The following PCSK6 variants were observed in gnomAD, a reference collection of about 807,000 sequenced individuals.
The protein encoded by PCSK6 is paired basic amino acid cleaving enzyme 4.
A neutral mutation model predicts 123.3 loss-of-function variants in PCSK6; 85 were observed. The ratio of observed to expected loss-of-function variants is 0.69; its 90% CI spans 0.58 to 0.83. The LOEUF (loss-of-function observed/expected upper bound fraction) is 0.83, where lower values mean the gene tolerates loss of function less well. Ranked by LOEUF, PCSK6 falls within the 40% of genes least tolerant of loss-of-function variation. PCSK6 has a pLI of 0.00. For missense variants in PCSK6, 1,191 were observed against 1,282.3 expected, an observed-to-expected ratio of 0.93 and a Z score of 1.09; for synonymous variants, 508 against 516.0, an observed-to-expected ratio of 0.98 and a Z score of 0.21.
chr15:101,451,429 C>T (rs2057031846), intron 1 of PCSK6, among the ~76,000 whole-genome samples: 1 of 152,096 alleles, frequency 6.6e-6, no homozygotes, highest in Non-Finnish European at 1.5e-5. Flanking sequence ...TCTGCAAAAT[C>T]CCCACCCCAC....
In PCSK6 at chr15:101,398,363, C is replaced by A; in HGVS notation, c.996+41G>T. ...ACTTGTTAAAATGTTTACTGTCACC[C>A]TTGTCCCAGAGCGCTCCCCTGTAGC... is the stretch of plus-strand genomic sequence containing the variant. On this transcript the variant is annotated intron_variant, in intron 7 of 21. Coordinates refer to ENST00000611716, the MANE Select transcript of PCSK6 (RefSeq NM_002570.5). The surrounding 1 kb of genome is among the most constrained non-coding windows in gnomAD (Gnocchi z 4.6). The A allele has an allele frequency of 6.4e-7, 1 of 1,566,512 alleles. No individual in the cohort carries two copies. The highest frequency in any genetic ancestry group is 1.2e-5 in the South Asian group (1 of 84,388).
chr15:101,417,048 G>C (rs180814735), intron 6 of PCSK6, among the ~76,000 whole-genome samples: 1 of 152,206 alleles, frequency 6.6e-6, no homozygotes, highest in South Asian at 2.1e-4. Flanking sequence ...CCCCAGAATA[G>C]TAGATCCACT....
At chr15:101,364,793 T>C (rs1215164946) in intron 13 of PCSK6, 6 of 448,714 alleles carry the variant, frequency 1.3e-5, no homozygotes, top group Non-Finnish European at 2.4e-5. Context: ...AAAAAAGAAA[T>C]GTACAAGCTT....
chr15:101,480,905 T>C (rs1010606110), intron 1 of PCSK6, among the ~76,000 whole-genome samples: 1 of 146,592 alleles, frequency 6.8e-6, no homozygotes, highest in African/African-American at 2.4e-5. Context: ...GTTCAATAAA[T>C]GACACTTAAA....
intron 11 of PCSK6, among the ~76,000 whole-genome samples, chr15:101,379,182 C>A (rs1180110167): frequency 3.9e-5 from 6 of 152,262 alleles, no homozygotes; most frequent in African/African-American, 1.4e-4. Context: ...CCATTTGACT[C>A]TTCCTGTCAG....
At chr15:101,407,609 C>T (rs575110513) in intron 6 of PCSK6, among the ~76,000 whole-genome samples, 2 of 152,318 alleles carry the variant, frequency 1.3e-5, no homozygotes, top group Admixed American at 1.3e-4. Context: ...AGCCCCTATT[C>T]CCCTGAGTCT....
At chr15:101,326,607 C>A in intron 15 of PCSK6, 128 bp from the exon 16 acceptor site, 2 of 862,028 alleles carry the variant, frequency 2.3e-6, no homozygotes, top group African/African-American at 1.7e-5. Context: ...CCCGCTGGGG[C>A]TGGACGGCCA....
chr15:101,439,260 C>G (rs2056691570), intron 2 of PCSK6, among the ~76,000 whole-genome samples: 1 of 152,222 alleles, frequency 6.6e-6, no homozygotes, highest in Non-Finnish European at 1.5e-5. Flanking sequence ...GGGTCAGAGA[C>G]AGTGAGCTGG....
In PCSK6 at chr15:101,381,559, G is replaced by C. The variant is rs3825914; in HGVS notation, c.1532+533C>G. On this transcript the variant is annotated intron_variant, in intron 11 of 21. Coordinates refer to ENST00000611716, the MANE Select transcript of PCSK6 (RefSeq NM_002570.5). Reference sequence around the variant, plus strand: ...AGCCAGATAAAAGCCACACAAAGCTGCTATGCTCTGTGAATAATAAGCAGT... The same window carrying C: ...AGCCAGATAAAAGCCACACAAAGCTCCTATGCTCTGTGAATAATAAGCAGT... 0.013 allele frequency among the ~76,000 whole-genome samples: 1,992 copies of C among 152,284 alleles called. 147 individuals are homozygous for C. The East Asian group carries it at 0.19, about 15-fold the overall frequency.
At chr15:101,323,237 G>A (rs1179784778) in intron 17 of PCSK6, among the ~76,000 whole-genome samples, 1 of 152,218 alleles carries the variant, frequency 6.6e-6, no homozygotes, top group Non-Finnish European at 1.5e-5. Flanking sequence ...CCCCCTCAGG[G>A]CCCCCACAGG....
intron 5 of PCSK6, among the ~76,000 whole-genome samples, chr15:101,429,222 C>CAT (rs532234575): frequency 1.2e-4 from 18 of 149,136 alleles, no homozygotes; most frequent in Admixed American, 6.0e-4. Flanking sequence ...GGGTATGGGG[C>CAT]ATGCTGATGG....
rs540444727 is a variant in PCSK6 at position 101,398,027 on chromosome 15, G to A, written c.996+377C>T. On this transcript the variant is annotated intron_variant, in intron 7 of 21. Transcript: ENST00000611716. This position sits in a 1 kb window ranked among gnomAD's most constrained non-coding sequence, Gnocchi z 4.6. ...GTTCCACAGCTGGGTGTTTCTAAGG[G>A]CAGGTGGGCCGAGGCCCCTGCAGAG... 2.0e-5 allele frequency among the ~76,000 whole-genome samples: 3 copies of A among 152,316 alleles called. No individual in the cohort carries two copies. Among genetic ancestry groups the A allele is most frequent in the East Asian group, 3.9e-4 (2 of 5,168 alleles).
chr15:101,421,518 G>A (rs578220409), intron 6 of PCSK6, among the ~76,000 whole-genome samples: 1 of 152,264 alleles, frequency 6.6e-6, no homozygotes, highest in South Asian at 2.1e-4. Flanking sequence ...GACATTGCTG[G>A]TTTGGTTTTG....
chr15:101,454,773 C>T (rs939597454), intron 1 of PCSK6, among the ~76,000 whole-genome samples: 6 of 152,170 alleles, frequency 3.9e-5, no homozygotes, highest in Admixed American at 2.6e-4. Context: ...CGTGAAACCC[C>T]GCCTCTACCA....
chr15:101,409,381 C>T (rs544629640), intron 6 of PCSK6, among the ~76,000 whole-genome samples: 7 of 152,160 alleles, frequency 4.6e-5, no homozygotes, highest in Non-Finnish European at 1.0e-4. Flanking sequence ...GTCAGGAGAT[C>T]GAGACCATCC....
chr15:101,488,442 C>T (rs1449972205), intron 1 of PCSK6, among the ~76,000 whole-genome samples: 1 of 152,172 alleles, frequency 6.6e-6, no homozygotes, highest in Non-Finnish European at 1.5e-5. Context: ...CGCCTTTGTG[C>T]CCAGGGCGTG....
chr15:101,382,121 C>T lies in PCSK6; in HGVS notation c.1503G>A (p.Met501Ile), dbSNP rs1474610668. Residue 501 changes from methionine to isoleucine, a missense_variant, in exon 11 of 22, where the codon ATG (methionine) becomes ATA (isoleucine). Transcript: ENST00000611716. ...KKWTAVPSQH[M>I]CVAASDKRPR... ...GTCTCTTGTCCGAGGCGGCCACACA[C>T]ATGTGCTGCGATGGCACTGCTGTCC... 1.9e-6 allele frequency: 3 copies of T among 1,611,310 alleles called. No homozygotes were observed. Among genetic ancestry groups the T allele is most frequent in the South Asian group, 1.1e-5 (1 of 90,192 alleles).
chr15:101,378,723 T>G (rs2041822920), intron 11 of PCSK6, among the ~76,000 whole-genome samples: 1 of 152,364 alleles, frequency 6.6e-6, no homozygotes, highest in East Asian at 1.9e-4. Context: ...CAGGGACTTC[T>G]TCTTATCTTT....
intron 13 of PCSK6, among the ~76,000 whole-genome samples, chr15:101,348,370 T>A (rs1394310883): frequency 2.6e-5 from 4 of 152,240 alleles, no homozygotes; most frequent in Admixed American, 2.6e-4. Flanking sequence ...CAGTGTGACA[T>A]TTGCGGAGTA....
Sources: gnomAD v4.1 joint callset for allele counts (sites outside exome capture counted in the v4.1 genomes callset) on GRCh38, gnomAD v4.1.1 for gene constraint, Gnocchi (gnomAD v3.1) non-coding constraint, MANE v1.5 for transcripts, NCBI Gene and HGNC (gene_info 2026-07-23, HGNC 2026-07-21) for gene names.